CDC20B: variants seen among roughly 807,000 people sequenced by gnomAD.
CDC20B encodes cell division cycle 20B.
A neutral mutation model predicts 64.1 loss-of-function variants in CDC20B; 58 were observed. The ratio of observed to expected loss-of-function variants is 0.90; its 90% CI spans 0.73 to 1.13. The LOEUF is 1.13. Among genes scored for constraint, CDC20B ranks in the 50% most tolerant of loss-of-function variants. The pLI, the probability that CDC20B is intolerant of heterozygous loss-of-function variation, is 0.00. For missense variants in CDC20B, 597 were observed against 633.0 expected (o/e 0.94, Z 0.61); for synonymous variants, 243 against 230.6 (o/e 1.05, Z -0.49).
intron 5 of CDC20B, chr5:55,137,417 A>G (rs1441327838): frequency 2.6e-6 from 1 of 391,324 alleles, no homozygotes; most frequent in African/African-American, 2.1e-5. Flanking sequence ...GACAAGGCAT[A>G]AAGAATTGCT....
chr5:55,163,904 G>A (rs1293616629), intron 2 of CDC20B: 1 of 498,004 alleles, frequency 2.0e-6, no homozygotes, highest in African/African-American at 2.0e-5. Context: ...CTCTAACCTT[G>A]AGTTTCACTT....
rs115522787 is a variant in CDC20B at position 55,145,013 on chromosome 5, T to C, written c.356-1370A>G. ...AATGGTCTTTCTTGTAAAATCCTTTTTGTTAATATCTGATTTCTGAATTTC... is the reference window on the plus strand; with the variant it reads ...AATGGTCTTTCTTGTAAAATCCTTTCTGTTAATATCTGATTTCTGAATTTC... On this transcript the variant is annotated intron_variant, in intron 3 of 11. Transcript: ENST00000381375. Among the ~76,000 whole-genome samples the C allele has an allele frequency of 5.6e-3, 855 of 152,364 alleles. 11 individuals are homozygous for C. The highest frequency in any genetic ancestry group is 0.02 in the African/African-American group (818 of 41,580).
chr5:55,115,829 C>T (rs1314245368), intron 11 of CDC20B, among the ~76,000 whole-genome samples: 2 of 152,334 alleles, frequency 1.3e-5, no homozygotes, highest in Non-Finnish European at 2.9e-5. Flanking sequence ...TTCTTCTACA[C>T]ACATCACTCC....
intron 2 of CDC20B, chr5:55,160,589 G>A (rs1005633750): frequency 1.8e-6 from 1 of 552,072 alleles, no homozygotes; most frequent in South Asian, 2.6e-5. Flanking sequence ...CGATTATCTC[G>A]TTTTCTTTAA....
chr5:55,137,750 G>A, intron 5 of CDC20B: 1 of 446,728 alleles, frequency 2.2e-6, no homozygotes, highest in Non-Finnish European at 4.5e-6. Context: ...ACTTTTTTAA[G>A]GGGTGAAGAC....
intron 9 of CDC20B, among the ~76,000 whole-genome samples, chr5:55,122,273 C>CTTT (rs34776567): frequency 6.8e-6 from 1 of 146,870 alleles, no homozygotes; most frequent in Non-Finnish European, 1.5e-5. Flanking sequence ...AGTCTTTTCT[C>CTTT]TTTTTTTTTT....
At chr5:55,161,964 T>C (rs1282735555) in intron 2 of CDC20B, among the ~76,000 whole-genome samples, 1 of 152,098 alleles carries the variant, frequency 6.6e-6, no homozygotes, top group Non-Finnish European at 1.5e-5. Context: ...TGTTTCTCAT[T>C]TGTAAAATGG....
At chr5:55,138,705 T>C (rs964270562) in intron 5 of CDC20B, among the ~76,000 whole-genome samples, 2 of 149,508 alleles carry the variant, frequency 1.3e-5, no homozygotes, top group African/African-American at 4.9e-5. Flanking sequence ...GAAGATAGTA[T>C]ATCCATGAAG....
chr5:55,116,977 A>T (rs959942953), intron 11 of CDC20B, among the ~76,000 whole-genome samples: 7 of 152,128 alleles, frequency 4.6e-5, no homozygotes, highest in Non-Finnish European at 7.3e-5. Flanking sequence ...ATCTCGGACA[A>T]AGGTCCTTTT....
chr5:55,136,922 T>C (rs1743190945), intron 5 of CDC20B: 1 of 152,290 alleles, frequency 6.6e-6, no homozygotes, highest in South Asian at 2.1e-4. Flanking sequence ...GCACAGTGGC[T>C]CATGCCTATA....
intron 6 of CDC20B, among the ~76,000 whole-genome samples, chr5:55,131,027 C>T (rs535911650): frequency 1.5e-3 from 226 of 152,140 alleles, no homozygotes; most frequent in African/African-American, 5.3e-3. Context: ...GAGGCTAAGG[C>T]AGGAGGATCA....
chr5:55,155,579 A>T (rs1157517182), intron 2 of CDC20B, among the ~76,000 whole-genome samples: 1 of 152,220 alleles, frequency 6.6e-6, no homozygotes, highest in Non-Finnish European at 1.5e-5. Context: ...ATTTCAAATT[A>T]GTCATGAAGA....
At chr5:55,140,461 C>A (rs1015119630) in intron 4 of CDC20B, 54 bp from the exon 5 acceptor site, 2 of 1,204,432 alleles carry the variant, frequency 1.7e-6, no homozygotes, top group African/African-American at 3.0e-5. Context: ...ACATGTACAA[C>A]TAAAATGTAA....
chr5:55,137,258 C>G (rs1026245164), intron 5 of CDC20B: 4 of 242,162 alleles, frequency 1.7e-5, no homozygotes, highest in Non-Finnish European at 3.3e-5. Flanking sequence ...TTGCCACAGG[C>G]AATTATCTCC....
chr5:55,170,046 G>A (rs1245713686), intron 2 of CDC20B, among the ~76,000 whole-genome samples: 3 of 152,114 alleles, frequency 2.0e-5, no homozygotes, highest in East Asian at 3.9e-4. Context: ...CCCGGGAGGC[G>A]GAGCTTGCAG....
intron 2 of CDC20B, 141 bp from the exon 3 acceptor site, chr5:55,146,997 C>A: frequency 2.6e-6 from 1 of 390,644 alleles, no homozygotes; most frequent in Admixed American, 4.4e-5. Context: ...ATTTTTGTAA[C>A]CTAGATATTA....
rs1480877673 is a variant in CDC20B at position 55,114,015 on chromosome 5, G to C, written c.*203C>G. 2 of 888,528 alleles carry C rather than the reference G, an allele frequency of 2.3e-6. No homozygotes were observed. Among genetic ancestry groups the C allele is most frequent in the Non-Finnish European group, 1.6e-6 (1 of 628,418 alleles). 55.0% of individuals were successfully genotyped at this position (888,528 alleles called of 1,614,324 possible). A position where few individuals can be genotyped will look rare whatever the true frequency, so the allele number is the denominator to read the frequency against. On this transcript the variant is annotated 3_prime_UTR_variant, in exon 12 of 12. Transcript: ENST00000381375. This position sits in a 1 kb window ranked among gnomAD's most constrained non-coding sequence, Gnocchi z 4.1. ...GGGGGAGGAAGAGGGGCAGAAAGAA[G>C]AAAGCAGAGAAGAAAAGAAGCGGAT... is the stretch of plus-strand genomic sequence containing the variant.
intron 3 of CDC20B, among the ~76,000 whole-genome samples, chr5:55,145,961 CTA>C (rs1743462201): frequency 1.3e-5 from 2 of 152,020 alleles, no homozygotes; most frequent in South Asian, 4.1e-4. Context: ...CATTAAAATT[CTA>C]TACTTTGCAA....
At position 55,168,860 on chromosome 5, in the gene CDC20B, T is replaced by C. The variant is rs373275209; in HGVS notation, c.126+3728A>G. ...AAGGAATACAAGGACTGAAAAACTA[T>C]CTATTGGGTACAATGTTCACTATTT... is the stretch of plus-strand genomic sequence containing the variant. On this transcript the variant is annotated intron_variant, in intron 2 of 11. Coordinates refer to ENST00000381375, the MANE Select transcript of CDC20B (RefSeq NM_001170402.1). 8.5e-5 allele frequency among the ~76,000 whole-genome samples: 13 copies of C among 152,270 alleles called. No homozygotes were observed. In the East Asian group the frequency reaches 2.5e-3, roughly 29 times the overall value.
Sources: allele counts gnomAD v4.1 joint callset (sites outside exome capture counted in the v4.1 genomes callset), GRCh38; gene constraint gnomAD v4.1.1; non-coding constraint Gnocchi (gnomAD v3.1); transcripts MANE v1.5; gene names NCBI Gene and HGNC (gene_info 2026-07-23, HGNC 2026-07-21).